The following EFCAB12 variants were observed in gnomAD, a reference collection of about 807,000 sequenced individuals.
EFCAB12 encodes the protein EF-hand calcium-binding domain-containing protein 12.
In EFCAB12, 43 loss-of-function variants were observed where a neutral mutation model predicts 53.6. The observed-to-expected ratio is 0.80, with a 90% confidence interval of 0.63 to 1.03. The LOEUF (loss-of-function observed/expected upper bound fraction) is 1.03. Ranked by LOEUF, EFCAB12 falls within the 50% of genes least tolerant of loss-of-function variation. The pLI is 0.00. For missense variants in EFCAB12, 646 were observed against 730.6 expected, an observed-to-expected ratio of 0.88 and a Z score of 1.34; for synonymous variants, 269 against 289.2, an observed-to-expected ratio of 0.93 and a Z score of 0.71.
At chr3:129,415,489 C>G in intron 3 of EFCAB12, 88 bp from the exon 4 acceptor site, 20 of 1,516,960 alleles carry the variant, frequency 1.3e-5, no homozygotes, top group Non-Finnish European at 1.8e-5. Flanking sequence ...TCCTCAGACC[C>G]CCATCCTGCT....
chr3:129,425,184 C>T (rs971353258), intron 1 of EFCAB12, among the ~76,000 whole-genome samples: 1 of 152,142 alleles, frequency 6.6e-6, no homozygotes, highest in African/African-American at 2.4e-5. Flanking sequence ...CCCCACAGGT[C>T]TTGCTGCTCC....
chr3:129,408,944 G>A (rs2071993941), intron 5 of EFCAB12, 86 bp from the exon 6 acceptor site: 5 of 1,452,738 alleles, frequency 3.4e-6, no homozygotes, highest in Admixed American at 2.0e-5. Flanking sequence ...GTGCCTCATC[G>A]ACCTCTCCCC....
chr3:129,418,280 C>T lies in EFCAB12; in HGVS notation c.655G>A (p.Glu219Lys), dbSNP rs374890195. ...GCCTTTACAGCCGCGATGAACTCCTCCCTGGTGATTCTCTGGTTCTCACCC... is the reference window on the plus strand; with the variant it reads ...GCCTTTACAGCCGCGATGAACTCCTTCCTGGTGATTCTCTGGTTCTCACCC... ...GQGENQRITREEFIAAVKAVG... is the reference protein window; with the variant it reads ...GQGENQRITRKEFIAAVKAVG... Residue 219 changes from glutamate to lysine, a missense_variant, in exon 3 of 9, where the codon GAG becomes AAG. Coordinates refer to ENST00000505956, the MANE Select transcript of EFCAB12 (RefSeq NM_207307.3). 39 of 1,612,542 alleles carry T rather than the reference C, an allele frequency of 2.4e-5. 1 individual carries two copies. Among genetic ancestry groups the T allele is most frequent in the South Asian group, 1.1e-4 (10 of 90,862 alleles).
chr3:129,418,418 G>C lies in EFCAB12; in HGVS notation c.517C>G (p.Arg173Gly). 6.2e-7 allele frequency: 1 copy of C among 1,611,418 alleles called. No individual in the cohort carries two copies. Among genetic ancestry groups the C allele is most frequent in the Non-Finnish European group, 8.5e-7 (1 of 1,178,740 alleles). Reference protein sequence around the residue: ...KKAPRLSRLSRQMVPQLQLPE... With the variant: ...KKAPRLSRLSGQMVPQLQLPE... Reference sequence around the variant, plus strand: ...AGCTGGAGCTGGGGCACCATCTGGCGGGACAGCCGGGAGAGCCTGGGGGCT... The same window carrying C: ...AGCTGGAGCTGGGGCACCATCTGGCCGGACAGCCGGGAGAGCCTGGGGGCT... The change falls in exon 3 of 9, where the codon CGC (arginine) becomes GGC (glycine). Residue 173 changes from arginine to glycine, a missense_variant. Arg to Gly is a moderately radical substitution (Grantham distance 125). Transcript: ENST00000505956.
chr3:129,409,728 G>A (rs1205170194), intron 5 of EFCAB12, among the ~76,000 whole-genome samples: 1 of 152,130 alleles, frequency 6.6e-6, no homozygotes, highest in East Asian at 1.9e-4. Flanking sequence ...ATTTGTTAAG[G>A]TGCTGTCTGT....
At position 129,428,620 on chromosome 3, in the gene EFCAB12, T is replaced by A; in HGVS notation, c.-132A>T. 1 of 1,130,726 alleles carries A rather than the reference T, an allele frequency of 8.8e-7. No homozygotes were observed. The highest frequency in any genetic ancestry group is 1.2e-6 in the Non-Finnish European group (1 of 800,058). 70.0% of individuals were successfully genotyped at this position (1,130,726 alleles called of 1,614,324 possible). A position where few individuals can be genotyped will look rare whatever the true frequency, so the allele number is the denominator to read the frequency against. ...CGTGCGAAAGGCGCTCAGCTCAGAC[T>A]GCAGAAGCAACCTGTTGCCGTGGCT... On this transcript the variant is annotated 5_prime_UTR_variant, in exon 1 of 9. Coordinates refer to ENST00000505956, the MANE Select transcript of EFCAB12 (RefSeq NM_207307.3).
intron 1 of EFCAB12, 25 bp from the exon 2 acceptor site, chr3:129,421,828 G>T (rs767966557): frequency 3.2e-6 from 5 of 1,581,874 alleles, no homozygotes; most frequent in Non-Finnish European, 4.3e-6. Context: ...GTTAAAAGAT[G>T]AGTTTCTCTC....
Position 129,411,174 on chromosome 3 carries a change from C to T in EFCAB12, c.1019G>A (p.Arg340Gln), listed in dbSNP as rs565618015. ...MEEVGKRYRE[R>Q]QRQHKLTIPS... Reference sequence around the variant, plus strand: ...GCGAGGTACCTTGTGCTGTCGCTGCCGCTCGCGGTACCGCTTGCCCACTTC... The same window carrying T: ...GCGAGGTACCTTGTGCTGTCGCTGCTGCTCGCGGTACCGCTTGCCCACTTC... The change falls in exon 5 of 9, where the codon CGG becomes CAG. Residue 340 changes from arginine (R) to glutamine (Q), a missense_variant. Arg to Gln is a conservative substitution (Grantham distance 43, BLOSUM62 1). Coordinates refer to ENST00000505956, the MANE Select transcript of EFCAB12 (RefSeq NM_207307.3). 2.1e-5 allele frequency: 33 copies of T among 1,596,612 alleles called. No homozygotes were observed. Among genetic ancestry groups the T allele is most frequent in the South Asian group, 4.5e-5 (4 of 89,072 alleles).
chr3:129,409,308 T>C (rs900808219), intron 5 of EFCAB12, among the ~76,000 whole-genome samples: 4 of 152,128 alleles, frequency 2.6e-5, no homozygotes, highest in African/African-American at 9.7e-5. Flanking sequence ...CTGGGCATGG[T>C]GGCGCGCGCC....
chr3:129,424,034 A>T (rs1332119993), intron 1 of EFCAB12, among the ~76,000 whole-genome samples: 2 of 151,838 alleles, frequency 1.3e-5, no homozygotes, highest in African/African-American at 4.8e-5. Context: ...TAGCCCCCAC[A>T]CTTAGTCCCA....
intron 4 of EFCAB12, chr3:129,413,989 A>G (rs1470572246): frequency 1.3e-5 from 2 of 152,232 alleles, no homozygotes; most frequent in African/African-American, 4.8e-5. Context: ...TACACAGATA[A>G]TGATAAGCTT....
chr3:129,419,495 A>C (rs1214574365), intron 2 of EFCAB12, among the ~76,000 whole-genome samples: 1 of 152,216 alleles, frequency 6.6e-6, no homozygotes, highest in Non-Finnish European at 1.5e-5. Flanking sequence ...TCATTTATGG[A>C]TTAATGGATT....
intron 5 of EFCAB12, among the ~76,000 whole-genome samples, chr3:129,409,722 G>C (rs1484629642): frequency 6.6e-6 from 1 of 152,182 alleles, no homozygotes; most frequent in African/African-American, 2.4e-5. Flanking sequence ...ACACTCATTT[G>C]TTAAGGTGCT....
intron 5 of EFCAB12, among the ~76,000 whole-genome samples, chr3:129,409,751 G>C (rs2072006398): frequency 6.6e-6 from 1 of 152,172 alleles, no homozygotes; most frequent in South Asian, 2.1e-4. Flanking sequence ...CTGCTTTCCT[G>C]CTGCAACACA....
chr3:129,412,399 C>T (rs1001366304), intron 4 of EFCAB12: 1 of 151,250 alleles, frequency 6.6e-6, no homozygotes, highest in Non-Finnish European at 1.5e-5. Context: ...TTGCATGAGT[C>T]TCCTTATGTT....
intron 1 of EFCAB12, among the ~76,000 whole-genome samples, chr3:129,427,736 G>T (rs1053086518): frequency 6.6e-6 from 1 of 152,144 alleles, no homozygotes; most frequent in African/African-American, 2.4e-5. Context: ...TCAGTCTCAG[G>T]TCTTTTCTGA....
rs1311226493 is a variant in EFCAB12, at chr3:129,401,737, C to T, written c.1575G>A (p.Arg525=). Residue 525 remains arginine, a synonymous_variant, in exon 9 of 9, where the codon CGG becomes CGA. Coordinates refer to ENST00000505956, the MANE Select transcript of EFCAB12 (RefSeq NM_207307.3). ...GAACACAACTGAAGAGCGCCAGGCT[C>T]CGGTCTGTGGCCACAGTGGGCAGGT... ...QLYLPTVATD[R]SLALFSCVQH... The T allele has an allele frequency of 6.2e-7, 1 of 1,603,188 alleles. No individual in the cohort carries two copies. Among genetic ancestry groups the T allele is most frequent in the Non-Finnish European group, 8.5e-7 (1 of 1,174,818 alleles).
chr3:129,411,204 A>G lies in EFCAB12; in HGVS notation c.989T>C (p.Met330Thr). The change falls in exon 5 of 9, where the codon ATG becomes ACG. Residue 330 changes from methionine (M) to threonine (T), a missense_variant. Coordinates refer to ENST00000505956, the MANE Select transcript of EFCAB12 (RefSeq NM_207307.3). ...METRPMTLEE[M>T]EEVGKRYRER... ...GCGGTACCGCTTGCCCACTTCCTCC[A>G]TCTCCTCCAGGGTCATGGGCCGCGT... is the stretch of plus-strand genomic sequence containing the variant. 1 of 1,612,810 alleles carries G rather than the reference A, an allele frequency of 6.2e-7. No homozygotes were observed. The highest frequency in any genetic ancestry group is 8.5e-7 in the Non-Finnish European group (1 of 1,179,484).
Position 129,421,716 on chromosome 3 carries a change from T to C in EFCAB12, c.137A>G (p.Gln46Arg). ...PVIAHCFKQF[Q>R]QKDFRLPQTR... The stretch of plus-strand genomic sequence containing the variant: ...CTGAGGCAGGCGGAAGTCCTTCTGC[T>C]GGAACTGCTTGAAGCAGTGGGCAAT... The change falls in exon 2 of 9, where the codon CAG (glutamine) becomes CGG (arginine). Residue 46 changes from glutamine to arginine, a missense_variant. By Grantham distance (43) the Gln-to-Arg change is conservative. Transcript: ENST00000505956. 6.2e-7 allele frequency: 1 copy of C among 1,613,836 alleles called. No homozygotes were observed. Among genetic ancestry groups the C allele is most frequent in the Non-Finnish European group, 8.5e-7 (1 of 1,179,862 alleles).
Sources: gnomAD v4.1 joint callset for allele counts (sites outside exome capture counted in the v4.1 genomes callset) on GRCh38, gnomAD v4.1.1 for gene constraint, MANE v1.5 for transcripts, NCBI Gene and HGNC (gene_info 2026-07-23, HGNC 2026-07-21) for gene names.